The following RIGI variants were observed in gnomAD, a reference collection of about 807,000 sequenced individuals.
The protein encoded by RIGI is antiviral innate immune response receptor RIG-I.
the RIGI span, among the ~76,000 whole-genome samples, chr9:32,512,916 T>C: frequency 4.6e-5 from 7 of 152,050 alleles, no homozygotes; most frequent in East Asian, 5.8e-4. Flanking sequence ...AGCATTCCTA[T>C]ACACCAATAA....
At chr9:32,460,015 G>C in the RIGI span, among the ~76,000 whole-genome samples, 1 of 152,178 alleles carries the variant, frequency 6.6e-6, no homozygotes, top group Non-Finnish European at 1.5e-5. Flanking sequence ...CGTGTTATGG[G>C]AGGGACCCAG....
chr9:32,479,539 T>C, the RIGI span, among the ~76,000 whole-genome samples: 1 of 152,076 alleles, frequency 6.6e-6, no homozygotes, highest in African/African-American at 2.4e-5. Flanking sequence ...TTCCTCTTTA[T>C]GTAAAAATAT....
chr9:32,505,599 C>T, the RIGI span, among the ~76,000 whole-genome samples: 4 of 152,092 alleles, frequency 2.6e-5, no homozygotes, highest in African/African-American at 9.7e-5. Flanking sequence ...TTCAATCACA[C>T]GTAATATCCT....
At chr9:32,466,209 T>A in the RIGI span, 12 of 1,423,164 alleles carry the variant, frequency 8.4e-6, no homozygotes, top group African/African-American at 1.4e-5. Context: ...CTAAGCAATA[T>A]GATAAAAGAT....
the RIGI span, among the ~76,000 whole-genome samples, chr9:32,518,445 A>G: frequency 6.6e-6 from 1 of 151,782 alleles, no homozygotes; most frequent in African/African-American, 2.4e-5. Flanking sequence ...AAGTCTAAGC[A>G]TATCATAGAT....
At chr9:32,469,539 G>A in the RIGI span, among the ~76,000 whole-genome samples, 3 of 152,172 alleles carry the variant, frequency 2.0e-5, no homozygotes, top group Non-Finnish European at 4.4e-5. Context: ...AAGCCCGAGT[G>A]CACTTCCGAA....
chr9:32,498,444 G>A, the RIGI span: 4 of 439,704 alleles, frequency 9.1e-6, no homozygotes, highest in Admixed American at 4.7e-5. Context: ...CTGGCCCGAG[G>A]CTACACTTCC....
the RIGI span, among the ~76,000 whole-genome samples, chr9:32,465,253 C>T: frequency 1.3e-5 from 2 of 152,162 alleles, no homozygotes; most frequent in Non-Finnish European, 2.9e-5. Context: ...CTTAATCTCC[C>T]AGCTTTAGGA....
the RIGI span, chr9:32,473,200 A>T: frequency 6.2e-5 from 31 of 502,590 alleles, no homozygotes; most frequent in African/African-American, 4.7e-4. Context: ...AACCTGAGAA[A>T]AAAAGCATTT....
At chr9:32,499,324 T>TTTTTG in the RIGI span, among the ~76,000 whole-genome samples, 108 of 148,260 alleles carry the variant, frequency 7.3e-4, 1 homozygote, top group African/African-American at 2.5e-3. Flanking sequence ...TTGTTTTTTT[T>TTTTTG]TTTTTTTTTT....
chr9:32,509,971 C>A, the RIGI span, among the ~76,000 whole-genome samples: 1 of 151,122 alleles, frequency 6.6e-6, no homozygotes, highest in African/African-American at 2.4e-5. Context: ...ATCAATCAAG[C>A]AGAAGAAAGG....
chr9:32,511,222 T>C, the RIGI span, among the ~76,000 whole-genome samples: 1 of 152,170 alleles, frequency 6.6e-6, no homozygotes, highest in Non-Finnish European at 1.5e-5. Flanking sequence ...AACTCAGCTC[T>C]GGACAAAGCT....
At chr9:32,455,993 A>G in the RIGI span, 7 of 152,336 alleles carry the variant, frequency 4.6e-5, no homozygotes, top group Non-Finnish European at 8.8e-5. Flanking sequence ...GGGAACTCAG[A>G]TACTTGTTTC....
At chr9:32,461,461 C>G in the RIGI span, among the ~76,000 whole-genome samples, 3 of 152,218 alleles carry the variant, frequency 2.0e-5, no homozygotes, top group East Asian at 5.8e-4. Flanking sequence ...TATGCTTTCA[C>G]GTGTCCCAGG....
the RIGI span, among the ~76,000 whole-genome samples, chr9:32,508,578 G>A: frequency 6.6e-6 from 1 of 152,024 alleles, no homozygotes; most frequent in South Asian, 2.1e-4. Flanking sequence ...CAGATACTAT[G>A]CTTTTCCCCC....
chr9:32,477,758 C>G, the RIGI span, among the ~76,000 whole-genome samples: 4 of 151,940 alleles, frequency 2.6e-5, no homozygotes, highest in African/African-American at 9.7e-5. Flanking sequence ...AACCCCATCT[C>G]TACTTAAAAT....
the RIGI span, among the ~76,000 whole-genome samples, chr9:32,508,397 C>G: frequency 6.6e-6 from 1 of 151,846 alleles, no homozygotes; most frequent in Non-Finnish European, 1.5e-5. Context: ...AACAGAGGTA[C>G]CCGGTTCACC....
chr9:32,508,020 T>C, the RIGI span, among the ~76,000 whole-genome samples: 2 of 152,074 alleles, frequency 1.3e-5, no homozygotes, highest in South Asian at 4.1e-4. Context: ...ACTAGTTTCT[T>C]TTCTCCTCTC....
At chr9:32,464,493 C>T in the RIGI span, among the ~76,000 whole-genome samples, 19 of 152,158 alleles carry the variant, frequency 1.2e-4, no homozygotes, top group African/African-American at 4.1e-4. Flanking sequence ...GGGTTCACGC[C>T]ATTCTCCTGC....
Sources: allele counts gnomAD v4.1 joint callset (sites outside exome capture counted in the v4.1 genomes callset), GRCh38; gene constraint gnomAD v4.1.1; transcripts MANE v1.5; gene names NCBI Gene and HGNC (gene_info 2026-07-23, HGNC 2026-07-21).